Variants in UGT2B7 observed in about 807,000 individuals in gnomAD.
The protein encoded by UGT2B7 is UDP glucuronosyltransferase family 2 member B7.
UGT2B7 carries 51 observed loss-of-function variants against 51.9 expected under a neutral mutation model. The observed-to-expected ratio is 0.98, with a 90% confidence interval of 0.78 to 1.24. The LOEUF is 1.24. UGT2B7 is among the 50% of genes most tolerant of loss of function. The pLI is 0.00. For synonymous variants in UGT2B7, 225 were observed against 211.6 expected (o/e 1.06, Z -0.55); for missense variants, 727 against 628.4 (o/e 1.16, Z -1.68).
chr4:69,084,330 T>TCTCTCTCTCTCTC (rs1553912555), intron 1 of UGT2B7, among the ~76,000 whole-genome samples: 4 of 148,124 alleles, frequency 2.7e-5, no homozygotes, highest in African/African-American at 1.0e-4. Flanking sequence ...TCTATAAATT[T>TCTCTCTCTCTCTC]TCTCTCTCTC....
At position 69,107,247 on chromosome 4, in the gene UGT2B7, C is replaced by G. The variant is rs1281947891; in HGVS notation, c.1075C>G (p.Gln359Glu). The change falls in exon 4 of 6, where the codon CAG (glutamine) becomes GAG (glutamate). Residue 359 changes from glutamine (Q) to glutamate (E), a missense_variant. Transcript: ENST00000305231. ...TACTCGGCTCTACAAGTGGATACCC[C>G]AGAATGACCTTCTAGGTAAGACTCT... is the stretch of plus-strand genomic sequence containing the variant. ...LNTRLYKWIP[Q>E]NDLLGHPKTR... is the part of the protein sequence containing the mutation. The G allele has an allele frequency of 6.2e-7, 1 of 1,608,120 alleles. No individual in the cohort carries two copies. The highest frequency in any genetic ancestry group is 1.3e-5 in the African/African-American group (1 of 74,616).
chr4:69,094,628 T>C (rs1395471712), upstream of UGT2B7, among the ~76,000 whole-genome samples: 1 of 152,248 alleles, frequency 6.6e-6, no homozygotes, highest in Non-Finnish European at 1.5e-5. Flanking sequence ...CTCATATCAA[T>C]GTTGATGGTT....
upstream of UGT2B7, among the ~76,000 whole-genome samples, chr4:69,094,724 T>C (rs1719174347): frequency 1.3e-5 from 2 of 152,214 alleles, no homozygotes; most frequent in Admixed American, 6.5e-5. Context: ...ATTTGCCACA[T>C]ACATTAACCC....
intron 1 of UGT2B7, among the ~76,000 whole-genome samples, chr4:69,084,775 T>C (rs116708285): frequency 0.01 from 1,587 of 152,306 alleles, 29 homozygotes; most frequent in African/African-American, 0.036. Flanking sequence ...GCTTGGTCTG[T>C]GTCCCTACAA....
chr4:69,056,564 G>C (rs1022123370), intron 1 of UGT2B7, among the ~76,000 whole-genome samples: 1 of 152,158 alleles, frequency 6.6e-6, no homozygotes, highest in Non-Finnish European at 1.5e-5. Context: ...TGCAAGTGTG[G>C]CACGGACACA....
chr4:69,085,830 T>C (rs1343542405), intron 1 of UGT2B7, among the ~76,000 whole-genome samples: 1 of 151,904 alleles, frequency 6.6e-6, no homozygotes, highest in Non-Finnish European at 1.5e-5. Context: ...TTGTTTATAA[T>C]AATATCTTAT....
chr4:69,095,222 T>C (rs11940220), upstream of UGT2B7, among the ~76,000 whole-genome samples: 87,184 of 151,500 alleles, frequency 0.58, 26,047 homozygotes, highest in African/African-American at 0.71. Flanking sequence ...AAGAGAACCC[T>C]AAATCCAGCT....
chr4:69,058,079 G>C (rs1310925653), intron 1 of UGT2B7, among the ~76,000 whole-genome samples: 1 of 152,234 alleles, frequency 6.6e-6, no homozygotes, highest in African/African-American at 2.4e-5. Context: ...CAGCTACAAA[G>C]ACAAAGTGAA....
chr4:69,064,058 A>C (rs1385242225), intron 1 of UGT2B7, among the ~76,000 whole-genome samples: 1 of 109,400 alleles, frequency 9.1e-6, no homozygotes, highest in Non-Finnish European at 1.7e-5. Context: ...GAAAGAAAGA[A>C]AGAAAGAAAG....
At chr4:69,088,319 T>C (rs1464483088) in intron 1 of UGT2B7, among the ~76,000 whole-genome samples, 2 of 144,066 alleles carry the variant, frequency 1.4e-5, no homozygotes, top group African/African-American at 5.3e-5. Context: ...AAATTTATCA[T>C]CATTTTCCTG....
At chr4:69,055,684 CAGG>C (rs1451900038) in intron 1 of UGT2B7, among the ~76,000 whole-genome samples, 2 of 152,186 alleles carry the variant, frequency 1.3e-5, no homozygotes, top group African/African-American at 2.4e-5. Context: ...AAAACCGTAA[CAGG>C]AGATCAATGG....
At position 69,112,668 on chromosome 4, in the gene UGT2B7, G is replaced by C; in HGVS notation, c.1522G>C (p.Val508Leu). The change falls in exon 6 of 6, where the codon GTC becomes CTC. Residue 508 changes from valine (V) to leucine (L), a missense_variant. Transcript: ENST00000305231. ...CTGTGTGGCAACTGTGATATTTATC[G>C]TCACAAAATGTTGTCTGTTTTGTTT... ...LVCVATVIFIVTKCCLFCFWK... is the reference protein window; with the variant it reads ...LVCVATVIFILTKCCLFCFWK... 1 of 1,613,790 alleles carries C rather than the reference G, an allele frequency of 6.2e-7. No homozygotes were observed. Among genetic ancestry groups the C allele is most frequent in the East Asian group, 2.2e-5 (1 of 44,860 alleles).
At chr4:69,088,987 G>T (rs1719024681) in intron 1 of UGT2B7, among the ~76,000 whole-genome samples, 1 of 152,112 alleles carries the variant, frequency 6.6e-6, no homozygotes, top group Admixed American at 6.6e-5. Context: ...TCATTTTACA[G>T]ATCATGAGTT....
chr4:69,057,016 A>G (rs567550900), intron 1 of UGT2B7, among the ~76,000 whole-genome samples: 2 of 152,230 alleles, frequency 1.3e-5, no homozygotes, highest in Non-Finnish European at 2.9e-5. Flanking sequence ...GTAGTTAAAA[A>G]TCAACTCATG....
In UGT2B7 at chr4:69,102,810, A is replaced by G; in HGVS notation, c.874A>G (p.Met292Val). 6.2e-7 allele frequency: 1 copy of G among 1,612,038 alleles called. No homozygotes were observed. The change falls in exon 3 of 6, where the codon ATG becomes GTG. Residue 292 changes from methionine to valine, a missense_variant. Physicochemically the swap from Met to Val is conservative, Grantham distance 21. Coordinates refer to ENST00000305231, the MANE Select transcript of UGT2B7 (RefSeq NM_001074.4). The stretch of plus-strand genomic sequence containing the variant: ...GAAGCAAATTCTTTCTTCACAGGAA[A>G]TGGAAGACTTTGTACAGAGCTCTGG... ...CKPAKPLPKE[M>V]EDFVQSSGEN...
chr4:69,109,677 A>C (rs946056895), intron 5 of UGT2B7, among the ~76,000 whole-genome samples: 3 of 152,118 alleles, frequency 2.0e-5, no homozygotes, highest in Non-Finnish European at 4.4e-5. Flanking sequence ...GGTGCACTAA[A>C]TTTTACTTTT....
At chr4:69,101,177 G>T (rs1325665433) in intron 2 of UGT2B7, among the ~76,000 whole-genome samples, 1 of 151,906 alleles carries the variant, frequency 6.6e-6, no homozygotes, top group East Asian at 1.9e-4. Flanking sequence ...ATAACAAGAT[G>T]ACAAGTTTTT....
chr4:69,068,802 T>C (rs1298246478), intron 1 of UGT2B7, among the ~76,000 whole-genome samples: 1 of 151,990 alleles, frequency 6.6e-6, no homozygotes, highest in East Asian at 1.9e-4. Context: ...TTTGACTTGG[T>C]AAGCGAGATA....
chr4:69,109,428 T>A (rs1458619560), intron 5 of UGT2B7, among the ~76,000 whole-genome samples: 1 of 152,142 alleles, frequency 6.6e-6, no homozygotes, highest in Non-Finnish European at 1.5e-5. Flanking sequence ...TACAGCCTTC[T>A]TAGTGGGTGT....
Sources: allele counts gnomAD v4.1 joint callset (sites outside exome capture counted in the v4.1 genomes callset), GRCh38; gene constraint gnomAD v4.1.1; transcripts MANE v1.5; gene names NCBI Gene and HGNC (gene_info 2026-07-23, HGNC 2026-07-21).